MARCHF1: variants seen among roughly 807,000 people sequenced by gnomAD.
MARCHF1 encodes the protein E3 ubiquitin-protein ligase MARCHF1.
A neutral mutation model predicts 54.2 loss-of-function variants in MARCHF1; 40 were observed. That is an observed-to-expected ratio of 0.74 (90% CI 0.57 to 0.96). MARCHF1 has a LOEUF of 0.96. Ranked by LOEUF, MARCHF1 falls within the 40% of genes least tolerant of loss-of-function variation. The probability of loss-of-function intolerance (pLI) is 0.00; values close to 1 mark genes in which losing one functional copy is unlikely to be tolerated. For synonymous variants in MARCHF1, 236 were observed against 236.3 expected, an observed-to-expected ratio of 1.00 and a Z score of 0.01; for missense variants, 586 against 656.5, an observed-to-expected ratio of 0.89 and a Z score of 1.17.
intron 1 of MARCHF1, among the ~76,000 whole-genome samples, chr4:164,239,628 T>C (rs1732668291): frequency 6.6e-6 from 1 of 152,080 alleles, no homozygotes. Context: ...CATAAGTGTT[T>C]TGACAAAATT....
At chr4:164,253,820 C>G (rs556075677) in intron 1 of MARCHF1, among the ~76,000 whole-genome samples, 1 of 152,002 alleles carries the variant, frequency 6.6e-6, no homozygotes, top group Non-Finnish European at 1.5e-5. Context: ...TCTGACACAT[C>G]CATATAATGA....
intron 4 of MARCHF1, among the ~76,000 whole-genome samples, chr4:163,709,054 A>G (rs1230019149): frequency 1.3e-5 from 2 of 152,188 alleles, no homozygotes; most frequent in African/African-American, 4.8e-5. Context: ...GATTATGTAT[A>G]GAGAGTAATT....
At chr4:163,742,085 G>A (rs896279363) in intron 4 of MARCHF1, among the ~76,000 whole-genome samples, 3 of 151,986 alleles carry the variant, frequency 2.0e-5, no homozygotes, top group Non-Finnish European at 4.4e-5. Flanking sequence ...TAAAATATAG[G>A]CACATTGGGG....
At chr4:164,125,741 C>G (rs755944746) in intron 1 of MARCHF1, among the ~76,000 whole-genome samples, 11 of 152,212 alleles carry the variant, frequency 7.2e-5, no homozygotes, top group Non-Finnish European at 1.0e-4. Flanking sequence ...GAGCAGCAGA[C>G]AAGTCAGCAT....
chr4:164,007,658 G>C (rs879350674), intron 2 of MARCHF1, among the ~76,000 whole-genome samples: 1,604 of 147,756 alleles, frequency 0.011, 18 homozygotes, highest in East Asian at 0.048. Context: ...GTGTGTGTGT[G>C]TGTGTGTGTG....
At chr4:164,058,600 G>A (rs1208493882) in intron 2 of MARCHF1, among the ~76,000 whole-genome samples, 1 of 152,112 alleles carries the variant, frequency 6.6e-6, no homozygotes, top group Non-Finnish European at 1.5e-5. Flanking sequence ...AAATGCCAAC[G>A]ACTTGGAGGT....
At chr4:163,725,468 A>G (rs1272789177) in intron 4 of MARCHF1, among the ~76,000 whole-genome samples, 1 of 150,258 alleles carries the variant, frequency 6.7e-6, no homozygotes. Context: ...ACAGAGTGAG[A>G]CACTATCTCC....
chr4:163,846,412 G>A (rs989795674), intron 4 of MARCHF1, among the ~76,000 whole-genome samples: 4 of 152,106 alleles, frequency 2.6e-5, no homozygotes, highest in Non-Finnish European at 5.9e-5. Context: ...GGCAATTCTG[G>A]TCCATTTGCT....
intron 1 of MARCHF1, among the ~76,000 whole-genome samples, chr4:164,183,603 G>C (rs1730889796): frequency 6.6e-6 from 1 of 152,122 alleles, no homozygotes; most frequent in African/African-American, 2.4e-5. Flanking sequence ...AAGTTTTGTT[G>C]CTTTGTTTAA....
chr4:164,049,020 A>G (rs1377465821), intron 2 of MARCHF1, among the ~76,000 whole-genome samples: 1 of 152,232 alleles, frequency 6.6e-6, no homozygotes. Flanking sequence ...AATATATAAA[A>G]TACTAGTGAT....
intron 2 of MARCHF1, among the ~76,000 whole-genome samples, chr4:164,095,891 C>T (rs1301908163): frequency 6.6e-6 from 1 of 151,948 alleles, no homozygotes; most frequent in Non-Finnish European, 1.5e-5. Flanking sequence ...GTCAGAATAG[C>T]TACGATTAAG....
At chr4:163,733,207 A>ACACATG (rs1451169238) in intron 4 of MARCHF1, among the ~76,000 whole-genome samples, 1 of 19,226 alleles carries the variant, frequency 5.2e-5, no homozygotes, top group Admixed American at 7.3e-4. Context: ...ATATATATAT[A>ACACATG]TATATATATA....
intron 3 of MARCHF1, among the ~76,000 whole-genome samples, chr4:163,884,790 T>A (rs1479628479): frequency 6.6e-6 from 1 of 152,176 alleles, no homozygotes. Flanking sequence ...ATATGTGGCA[T>A]CCATTTTAGA....
At chr4:163,949,858 G>T (rs1009338941) in intron 3 of MARCHF1, among the ~76,000 whole-genome samples, 1 of 152,188 alleles carries the variant, frequency 6.6e-6, no homozygotes, top group Non-Finnish European at 1.5e-5. Context: ...CCCATATTGG[G>T]TAGCTCCTCT....
chr4:163,552,968 G>C (rs1288463895), intron 8 of MARCHF1, among the ~76,000 whole-genome samples: 1 of 150,548 alleles, frequency 6.6e-6, no homozygotes, highest in Non-Finnish European at 1.5e-5. Flanking sequence ...GGGAGGCGGA[G>C]CTTGCAGTGA....
intron 5 of MARCHF1, among the ~76,000 whole-genome samples, chr4:163,671,837 T>G (rs917709515): frequency 6.6e-5 from 10 of 152,058 alleles, no homozygotes; most frequent in African/African-American, 9.7e-5. Context: ...AGGTACTATT[T>G]TTTTTCTAAA....
chr4:164,169,957 G>GT (rs1217122445), intron 1 of MARCHF1, among the ~76,000 whole-genome samples: 1 of 152,018 alleles, frequency 6.6e-6, no homozygotes, highest in African/African-American at 2.4e-5. Flanking sequence ...TTTAACAACA[G>GT]TAACTCATGC....
intron 2 of MARCHF1, among the ~76,000 whole-genome samples, chr4:164,024,741 C>G (rs1753731170): frequency 6.6e-6 from 1 of 152,016 alleles, no homozygotes; most frequent in Non-Finnish European, 1.5e-5. Context: ...AATGTCAGTC[C>G]TAACCCTAAA....
chr4:163,535,607 G>A (rs1244650032), intron 9 of MARCHF1, among the ~76,000 whole-genome samples: 1 of 152,088 alleles, frequency 6.6e-6, no homozygotes, highest in South Asian at 2.1e-4. Context: ...CCAGATAAGT[G>A]GCAGCACACA....
Sources: allele counts gnomAD v4.1 joint callset (sites outside exome capture counted in the v4.1 genomes callset), GRCh38; gene constraint gnomAD v4.1.1; transcripts MANE v1.5; gene names NCBI Gene and HGNC (gene_info 2026-07-23, HGNC 2026-07-21).